The following KDM2B variants were observed in gnomAD, a reference collection of about 807,000 sequenced individuals.
KDM2B encodes lysine-specific demethylase 2B.
Under a neutral mutation model 150.0 loss-of-function variants are expected in KDM2B, and 26 were observed. The ratio of observed to expected loss-of-function variants is 0.17; its 90% CI spans 0.13 to 0.24. The LOEUF (loss-of-function observed/expected upper bound fraction) is 0.24, where lower values mean the gene tolerates loss of function less well. KDM2B is among the 10% of genes least tolerant of loss of function. The probability of loss-of-function intolerance (pLI) is 1.00; values close to 1 mark genes in which losing one functional copy is unlikely to be tolerated. For synonymous variants in KDM2B, 734 were observed against 729.5 expected, an observed-to-expected ratio of 1.01 and a Z score of -0.10; for missense variants, 1,265 against 1,816.9, an observed-to-expected ratio of 0.70 and a Z score of 5.52.
rs908511833 is a variant in KDM2B, at chr12:121,440,633, G to A, written c.3610+183C>T. 1.6e-4 allele frequency: 96 copies of A among 600,730 alleles called. No homozygotes were observed. In the East Asian group the frequency reaches 2.4e-3, roughly 15 times the overall value. 37.2% of individuals were successfully genotyped at this position (600,730 alleles called of 1,614,324 possible). On this transcript the variant is annotated intron_variant, in intron 21 of 22. Coordinates refer to ENST00000377071, the MANE Select transcript of KDM2B (RefSeq NM_032590.5). ...GCGGAGCCCCAGGAGCGAGTCTCACGTGTGCACAGGAGCCCCTGCCTCCTC... is the reference window on the plus strand; with the variant it reads ...GCGGAGCCCCAGGAGCGAGTCTCACATGTGCACAGGAGCCCCTGCCTCCTC...
intron 22 of KDM2B, among the ~76,000 whole-genome samples, chr12:121,435,250 G>C (rs1566251079): frequency 6.6e-6 from 1 of 152,146 alleles, no homozygotes; most frequent in African/African-American, 2.4e-5. Context: ...TGAATTCTAT[G>C]CCCAAAAATG....
At chr12:121,463,319 A>C (rs1370187133) in intron 12 of KDM2B, among the ~76,000 whole-genome samples, 1 of 152,134 alleles carries the variant, frequency 6.6e-6, no homozygotes, top group Non-Finnish European at 1.5e-5. Context: ...CCGTCTCAAA[A>C]AAAAAAAAAG....
intron 11 of KDM2B, among the ~76,000 whole-genome samples, chr12:121,505,041 C>G (rs1309483204): frequency 6.7e-6 from 1 of 149,496 alleles, no homozygotes; most frequent in Non-Finnish European, 1.5e-5. Flanking sequence ...GGCGTGAACC[C>G]GGGAGGCAGA....
At chr12:121,552,823 G>A (rs370598984) in intron 4 of KDM2B, among the ~76,000 whole-genome samples, 1 of 152,196 alleles carries the variant, frequency 6.6e-6, no homozygotes, top group African/African-American at 2.4e-5. Flanking sequence ...GTTCTTCGCT[G>A]GATATTCTGG....
chr12:121,517,418 T>C (rs1555305218), intron 9 of KDM2B, among the ~76,000 whole-genome samples: 1 of 151,866 alleles, frequency 6.6e-6, no homozygotes, highest in African/African-American at 2.4e-5. Flanking sequence ...TGGGGTTCCC[T>C]AGTTTAGATA....
intron 6 of KDM2B, among the ~76,000 whole-genome samples, chr12:121,546,378 C>CTTTTTT (rs1566402100): frequency 1.1e-5 from 1 of 92,484 alleles, no homozygotes; most frequent in African/African-American, 6.1e-5. Flanking sequence ...TTTTTTTTTG[C>CTTTTTT]CTTTTTTTTT....
At chr12:121,465,462 G>A (rs781988331) in intron 12 of KDM2B, among the ~76,000 whole-genome samples, 5 of 152,170 alleles carry the variant, frequency 3.3e-5, no homozygotes, top group Non-Finnish European at 5.9e-5. Context: ...TCGAACTCCT[G>A]AGCTCAAGTG....
rs1555288961 is a variant in KDM2B at position 121,442,889 on chromosome 12, C to T, written c.2605-53G>A. The T allele has an allele frequency of 1.3e-6, 2 of 1,547,820 alleles. No individual in the cohort carries two copies. The highest frequency in any genetic ancestry group is 2.3e-5 in the East Asian group (1 of 43,408). On this transcript the variant is annotated intron_variant, in intron 18 of 22. Transcript: ENST00000377071. This position sits in a 1 kb window ranked among gnomAD's most constrained non-coding sequence, Gnocchi z 7.7. ...CCTCTGGGGCTCAGGGCTGCGCCCG[C>T]CCAAGGCCTCCCGCCCCCCTGCCAC...
At chr12:121,545,604 A>T (rs1312718255) in intron 6 of KDM2B, among the ~76,000 whole-genome samples, 1 of 152,156 alleles carries the variant, frequency 6.6e-6, no homozygotes, top group Non-Finnish European at 1.5e-5. Context: ...ATCTATGTCC[A>T]GCTGGACCCT....
chr12:121,411,973 A>G, the KDM2B span, among the ~76,000 whole-genome samples: 1 of 152,230 alleles, frequency 6.6e-6, no homozygotes, highest in Admixed American at 6.5e-5. Flanking sequence ...TGCAAACTAA[A>G]TTTTTTAGAA....
In KDM2B at chr12:121,445,398, G is replaced by T. The variant is rs144767213; in HGVS notation, c.1980C>A (p.Ala660=). 1.1e-5 allele frequency: 17 copies of T among 1,603,764 alleles called. No homozygotes were observed. The South Asian group carries it at 1.7e-4, about 16-fold the overall frequency. Residue 660 remains alanine (A), a synonymous_variant, in exon 14 of 23, where the codon GCC becomes GCA. Transcript: ENST00000377071. ...QCIAPVLPHT[A]VCLVCGEAGK... ...CCGCCTCGCCACACACAAGGCACAC[G>T]GCGGTGTGGGGCAGCACTGGCTGAG... is the stretch of plus-strand genomic sequence containing the variant.
At chr12:121,420,915 T>C in the KDM2B span, 3 of 657,466 alleles carry the variant, frequency 4.6e-6, no homozygotes, top group Admixed American at 8.2e-5. Flanking sequence ...GTTAGTTACA[T>C]GAGCCTGTTT....
intron 8 of KDM2B, among the ~76,000 whole-genome samples, chr12:121,527,239 G>T (rs1196556164): frequency 2.1e-5 from 3 of 145,940 alleles, no homozygotes; most frequent in East Asian, 4.3e-4. Flanking sequence ...TGTATTTTTA[G>T]TAGAGACGGG....
At chr12:121,580,273 G>A in intron 1 of KDM2B, 1 of 1,245,158 alleles carries the variant, frequency 8.0e-7, no homozygotes, top group Non-Finnish European at 1.0e-6. Context: ...AGGCGTCGAC[G>A]TCATAATCCC....
chr12:121,449,042 A>C (rs1331742174), intron 13 of KDM2B, among the ~76,000 whole-genome samples: 2 of 152,184 alleles, frequency 1.3e-5, no homozygotes, highest in African/African-American at 4.8e-5. Flanking sequence ...ACCAGACTGC[A>C]GCGGGGGGCA....
chr12:121,456,461 C>T (rs1878254356), intron 12 of KDM2B, among the ~76,000 whole-genome samples: 1 of 152,228 alleles, frequency 6.6e-6, no homozygotes, highest in Non-Finnish European at 1.5e-5. Context: ...ACAGGCAATG[C>T]TATGGGCGGC....
chr12:121,538,409 G>C (rs1888340537), intron 6 of KDM2B, among the ~76,000 whole-genome samples: 1 of 152,148 alleles, frequency 6.6e-6, no homozygotes, highest in Non-Finnish European at 1.5e-5. Flanking sequence ...CTGAGAAGGG[G>C]GAAGCCGCTC....
intron 9 of KDM2B, among the ~76,000 whole-genome samples, chr12:121,515,088 C>T (rs1271680410): frequency 8.7e-5 from 1 of 11,452 alleles, no homozygotes; most frequent in African/African-American, 5.7e-4. Flanking sequence ...ATCACACTCC[C>T]CGTCCCCCAA....
In KDM2B at chr12:121,513,492, G is replaced by A; in HGVS notation, c.1048-90C>T. 7.0e-7 allele frequency: 1 copy of A among 1,437,014 alleles called. No homozygotes were observed. The highest frequency in any genetic ancestry group is 1.7e-5 in the Admixed American group (1 of 57,474). The allele number at this position is 1,437,014 out of a possible 1,614,324, so 89.0% of individuals were successfully genotyped here. A position where few individuals can be genotyped will look rare whatever the true frequency, so the allele number is the denominator to read the frequency against. ...GAAGTGCGGGGCAGGCTCCCTGCAG[G>A]TGAGGGTCACTGTCATCATCTTAGC... On this transcript the variant is annotated intron_variant, in intron 9 of 22. Coordinates refer to ENST00000377071, the MANE Select transcript of KDM2B (RefSeq NM_032590.5). This position sits in a 1 kb window ranked among gnomAD's most constrained non-coding sequence, Gnocchi z 5.0.
Sources: allele counts gnomAD v4.1 joint callset (sites outside exome capture counted in the v4.1 genomes callset), GRCh38; gene constraint gnomAD v4.1.1; non-coding constraint Gnocchi (gnomAD v3.1); transcripts MANE v1.5; gene names NCBI Gene and HGNC (gene_info 2026-07-23, HGNC 2026-07-21).